GPC6: variants seen among roughly 807,000 people sequenced by gnomAD.
GPC6 encodes glypican 6, also known as glypican-6.
Under a neutral mutation model 55.2 loss-of-function variants are expected in GPC6, and 14 were observed. The observed-to-expected ratio is 0.25, with a 90% CI of 0.17 to 0.40. The LOEUF (loss-of-function observed/expected upper bound fraction) is 0.40, where lower values mean the gene tolerates loss of function less well. GPC6 is among the 10% of genes least tolerant of loss of function. The pLI is 1.00. For missense variants in GPC6, 641 were observed against 708.5 expected (o/e 0.90, Z 1.08); for synonymous variants, 278 against 259.6 (o/e 1.07, Z -0.68).
chr13:93,262,678 C>T (rs932587912), intron 1 of GPC6, among the ~76,000 whole-genome samples: 1 of 152,172 alleles, frequency 6.6e-6, no homozygotes, highest in African/African-American at 2.4e-5. Flanking sequence ...GAAATGTATT[C>T]CATTTCAGTG....
chr13:94,157,916 T>G (rs1888011813), intron 4 of GPC6, among the ~76,000 whole-genome samples: 1 of 151,486 alleles, frequency 6.6e-6, no homozygotes. Context: ...AAAGGGGGAG[T>G]CAAGGATAAC....
intron 4 of GPC6, among the ~76,000 whole-genome samples, chr13:94,082,845 T>C (rs1014202133): frequency 3.1e-4 from 47 of 152,218 alleles, no homozygotes; most frequent in African/African-American, 1.0e-3. Context: ...GTCACGGACA[T>C]GCAGTTTATC....
At chr13:93,586,852 T>C (rs1486449877) in intron 2 of GPC6, among the ~76,000 whole-genome samples, 1 of 152,198 alleles carries the variant, frequency 6.6e-6, no homozygotes, top group Non-Finnish European at 1.5e-5. Flanking sequence ...CCAAATTTAC[T>C]AGTACTGGTT....
At chr13:94,257,984 C>T (rs150158740) in intron 4 of GPC6, among the ~76,000 whole-genome samples, 1 of 152,054 alleles carries the variant, frequency 6.6e-6, no homozygotes, top group African/African-American at 2.4e-5. Context: ...CAGAGAATCC[C>T]AATATAGTTG....
At chr13:94,168,501 G>T (rs1046070468) in intron 4 of GPC6, among the ~76,000 whole-genome samples, 4 of 152,010 alleles carry the variant, frequency 2.6e-5, no homozygotes, top group African/African-American at 9.7e-5. Flanking sequence ...TAAGTTCCCA[G>T]CATATTCTGG....
At chr13:94,309,945 T>G (rs548700831) in intron 6 of GPC6, among the ~76,000 whole-genome samples, 1 of 152,204 alleles carries the variant, frequency 6.6e-6, no homozygotes, top group Admixed American at 6.5e-5. Flanking sequence ...GTTCCTTTAT[T>G]CTTAAATGTG....
chr13:93,524,237 T>A lies in GPC6; in HGVS notation c.161-21026T>A, dbSNP rs1235356103. Among the ~76,000 whole-genome samples, 24 of 151,920 alleles carry A rather than the reference T, an allele frequency of 1.6e-4. 1 individual carries two copies. Among genetic ancestry groups the A allele is most frequent in the Non-Finnish European group, 3.5e-4 (24 of 67,968 alleles). Reference sequence around the variant, plus strand: ...TGAGAGGTTTGACTTTGTCCAACACTCAGAATCACCACTCACCTCCTTAAC... The same window carrying A: ...TGAGAGGTTTGACTTTGTCCAACACACAGAATCACCACTCACCTCCTTAAC... On this transcript the variant is annotated intron_variant, in intron 1 of 8. Coordinates refer to ENST00000377047, the MANE Select transcript of GPC6 (RefSeq NM_005708.5).
chr13:94,141,930 T>C, intron 4 of GPC6, among the ~76,000 whole-genome samples: 1 of 152,188 alleles, frequency 6.6e-6, no homozygotes, highest in East Asian at 1.9e-4. Flanking sequence ...TAGAAACTAT[T>C]TATTTCCCTT....
At chr13:93,376,034 A>T (rs1874880052) in intron 1 of GPC6, among the ~76,000 whole-genome samples, 1 of 148,708 alleles carries the variant, frequency 6.7e-6, no homozygotes, top group South Asian at 2.2e-4. Context: ...TGTGCAATAG[A>T]TCATGCATCT....
chr13:93,326,886 T>C (rs1386129173), intron 1 of GPC6, among the ~76,000 whole-genome samples: 1 of 152,168 alleles, frequency 6.6e-6, no homozygotes, highest in African/African-American at 2.4e-5. Flanking sequence ...GGGAAGAAGA[T>C]AGCAAATGTC....
At chr13:94,372,540 C>G (rs1437530646) in intron 6 of GPC6, among the ~76,000 whole-genome samples, 1 of 150,470 alleles carries the variant, frequency 6.6e-6, no homozygotes, top group Non-Finnish European at 1.5e-5. Flanking sequence ...AGAGTATATC[C>G]CGCACCTGGC....
intron 3 of GPC6, among the ~76,000 whole-genome samples, chr13:93,888,221 C>T (rs924052725): frequency 1.3e-5 from 2 of 152,132 alleles, no homozygotes; most frequent in Admixed American, 6.6e-5. Context: ...TTTTGATCAA[C>T]TTCCAATCAT....
chr13:93,775,636 A>G (rs1460525526), intron 2 of GPC6, among the ~76,000 whole-genome samples: 1 of 152,186 alleles, frequency 6.6e-6, no homozygotes, highest in African/African-American at 2.4e-5. Context: ...CTACAGTTAA[A>G]TATTTAACAC....
chr13:94,120,527 T>C (rs962201530), intron 4 of GPC6, among the ~76,000 whole-genome samples: 1 of 151,938 alleles, frequency 6.6e-6, no homozygotes, highest in Non-Finnish European at 1.5e-5. Flanking sequence ...ACATATGGTT[T>C]CTTTTTTTTT....
intron 2 of GPC6, among the ~76,000 whole-genome samples, chr13:93,819,235 C>G (rs955338267): frequency 1.3e-5 from 2 of 152,048 alleles, no homozygotes; most frequent in African/African-American, 4.8e-5. Context: ...TGGCTTTTAG[C>G]AAAAAACTAG....
chr13:93,436,625 T>C (rs1323736580), intron 1 of GPC6, among the ~76,000 whole-genome samples: 1 of 152,092 alleles, frequency 6.6e-6, no homozygotes, highest in Non-Finnish European at 1.5e-5. Context: ...TAATTCCATG[T>C]ATACTTAGGG....
intron 2 of GPC6, among the ~76,000 whole-genome samples, chr13:93,553,467 C>G (rs1044090980): frequency 1.3e-5 from 2 of 151,688 alleles, no homozygotes; most frequent in Non-Finnish European, 1.5e-5. Flanking sequence ...CCGAGGCTGG[C>G]AGATCAGAAG....
rs867779167 is a variant in GPC6 at position 93,544,356 on chromosome 13, A to G, written c.161-907A>G. On this transcript the variant is annotated intron_variant, in intron 1 of 8. Coordinates refer to ENST00000377047, the MANE Select transcript of GPC6 (RefSeq NM_005708.5). ...ATGAATTTTAATCACAGAGTCAAGCACTTTGTTCATTTGTTTTCAGTGTCC... is the reference window on the plus strand; with the variant it reads ...ATGAATTTTAATCACAGAGTCAAGCGCTTTGTTCATTTGTTTTCAGTGTCC... Among the ~76,000 whole-genome samples, 7 of 152,260 alleles carry G rather than the reference A, an allele frequency of 4.6e-5. No individual in the cohort carries two copies. In the Middle Eastern group the frequency reaches 0.014, roughly 296 times the overall value.
At chr13:94,212,634 T>C (rs990878022) in intron 4 of GPC6, among the ~76,000 whole-genome samples, 1 of 152,214 alleles carries the variant, frequency 6.6e-6, no homozygotes, top group African/African-American at 2.4e-5. Flanking sequence ...TTGTCACCCA[T>C]ATCTTAACCT....
Sources: gnomAD v4.1 joint callset for allele counts (sites outside exome capture counted in the v4.1 genomes callset) on GRCh38, gnomAD v4.1.1 for gene constraint, MANE v1.5 for transcripts, NCBI Gene and HGNC (gene_info 2026-07-23, HGNC 2026-07-21) for gene names.